Variants in CSPG4 observed in about 807,000 individuals in gnomAD.
CSPG4 encodes the protein chondroitin sulfate proteoglycan 4 (melanoma-associated).
In CSPG4, 74 loss-of-function variants were observed where a neutral mutation model predicts 139.3. The observed-to-expected ratio is 0.53, with a 90% confidence interval of 0.44 to 0.64. The LOEUF is 0.64. Among genes scored for constraint, CSPG4 ranks in the 30% least tolerant of loss-of-function variants. The pLI, the probability that CSPG4 is intolerant of heterozygous loss-of-function variation, is 0.00. For synonymous variants in CSPG4, 1,234 were observed against 1,394.2 expected (o/e 0.89, Z 2.56); for missense variants, 2,565 against 3,148.3 (o/e 0.81, Z 4.43).
In CSPG4 at chr15:75,675,773, C is replaced by G. The variant is rs150766109; in HGVS notation, c.6746G>C (p.Arg2249Pro). ...GACGTCATGCTTGCCCGTCTTGTTG[C>G]GTTTTCGGAGGTAGAAGAGCAGGGG... ...ILPLLFYLRK[R>P]NKTGKHDVQV... Residue 2249 changes from arginine (R) to proline (P), a missense_variant, in exon 10 of 10, where the codon CGC becomes CCC. By Grantham distance (103) the Arg-to-Pro change is moderately radical. This residue lies in a region of CSPG4 where 2,316 missense variants were observed against 2,818.2 expected (regional missense o/e 0.82). Coordinates refer to ENST00000308508, the MANE Select transcript of CSPG4 (RefSeq NM_001897.5). 6.2e-7 allele frequency: 1 copy of G among 1,612,916 alleles called. No homozygotes were observed. Among genetic ancestry groups the G allele is most frequent in the African/African-American group, 1.3e-5 (1 of 74,916 alleles).
rs763002297 is a variant in CSPG4, at chr15:75,676,540, G to A, written c.5979C>T (p.Gly1993=). ...QGPQYGHLLV[G]GRPTSAFSQF... The stretch of plus-strand genomic sequence containing the variant: ...GGCTGAAGGCCGAGGTGGGCCGCCC[G>A]CCCACCAGGAGATGCCCATACTGGG... The change falls in exon 10 of 10, where the codon GGC becomes GGT. Residue 1993 remains glycine (G), a synonymous_variant. Transcript: ENST00000308508. 4 of 1,613,690 alleles carry A rather than the reference G, an allele frequency of 2.5e-6. No homozygotes were observed. Among genetic ancestry groups the A allele is most frequent in the Admixed American group, 1.7e-5 (1 of 60,034 alleles).
intron 3 of CSPG4, among the ~76,000 whole-genome samples, chr15:75,686,225 C>A (rs904793248): frequency 6.6e-6 from 1 of 152,224 alleles, no homozygotes; most frequent in Non-Finnish European, 1.5e-5. Flanking sequence ...CACAGACACA[C>A]GAGTTCATCA....
intron 1 of CSPG4, among the ~76,000 whole-genome samples, chr15:75,706,346 AG>A (rs898357223): frequency 1.3e-5 from 2 of 151,850 alleles, no homozygotes; most frequent in African/African-American, 2.4e-5. Flanking sequence ...GGCTCGGGGC[AG>A]GACACTCTCC....
At position 75,688,922 on chromosome 15, in the gene CSPG4, G is replaced by C. The variant is rs575783018; in HGVS notation, c.2143C>G (p.Gln715Glu). Residue 715 changes from glutamine (Q) to glutamate (E), a missense_variant, in exon 3 of 10, where the codon CAG becomes GAG. Coordinates refer to ENST00000308508, the MANE Select transcript of CSPG4 (RefSeq NM_001897.5). ...GALQFGELQK[Q>E]GAGGVEGAEW... ...GCACCCTCCACCCCACCTGCCCCCT[G>C]CTTCTGCAGCTCCCCAAACTGCAGG... is the stretch of plus-strand genomic sequence containing the variant. The C allele has an allele frequency of 6.2e-7, 1 of 1,612,424 alleles. No homozygotes were observed. Among genetic ancestry groups the C allele is most frequent in the East Asian group, 2.2e-5 (1 of 44,886 alleles).
chr15:75,687,214 G>A lies in CSPG4; in HGVS notation c.3789+62C>T, dbSNP rs1334209596. 1.9e-6 allele frequency: 3 copies of A among 1,587,132 alleles called. No individual in the cohort carries two copies. The East Asian group carries it at 6.7e-5, about 35-fold the overall frequency. On this transcript the variant is annotated intron_variant, in intron 3 of 9. Coordinates refer to ENST00000308508, the MANE Select transcript of CSPG4 (RefSeq NM_001897.5). This position sits in a 1 kb window ranked among gnomAD's most constrained non-coding sequence, Gnocchi z 5.4. Reference sequence around the variant, plus strand: ...CCCAAGTCACGTGTGTTCCTGGCATGGAGGCTGGGAGAAGGCCCTCTACCT... The same window carrying A: ...CCCAAGTCACGTGTGTTCCTGGCATAGAGGCTGGGAGAAGGCCCTCTACCT...
chr15:75,690,163 T>C lies in CSPG4; in HGVS notation c.902A>G (p.Asp301Gly). ...GTTCGAAGTATGCGTAGGGTACTGGTCCACGGAGATTTCCAGCCGGTGAGC... is the reference window on the plus strand; with the variant it reads ...GTTCGAAGTATGCGTAGGGTACTGGCCCACGGAGATTTCCAGCCGGTGAGC... ...INAHRLEISV[D>G]QYPTHTSNRG... The change falls in exon 3 of 10, where the codon GAC (aspartate) becomes GGC (glycine). Residue 301 changes from aspartate (D) to glycine (G), a missense_variant. Around this residue, in one of 5 missense-constraint regions of CSPG4, gnomAD observed 2,316 missense variants for 2,818.2 expected, o/e 0.82. Transcript: ENST00000308508. 1 of 1,613,006 alleles carries C rather than the reference T, an allele frequency of 6.2e-7. No individual in the cohort carries two copies. Among genetic ancestry groups the C allele is most frequent in the Non-Finnish European group, 8.5e-7 (1 of 1,179,886 alleles).
chr15:75,708,868 A>C (rs1459453224), intron 1 of CSPG4, among the ~76,000 whole-genome samples: 1 of 152,176 alleles, frequency 6.6e-6, no homozygotes, highest in Non-Finnish European at 1.5e-5. Flanking sequence ...CTCTACAAAA[A>C]ATAATTACCC....
In CSPG4 at chr15:75,684,856, ACTGT is replaced by A. The variant is rs1213258326; in HGVS notation, c.4325_4328del (p.Asp1442ValfsTer4). 11 of 1,613,126 alleles carry A rather than the reference ACTGT, an allele frequency of 6.8e-6. No individual in the cohort carries two copies. Among genetic ancestry groups the A allele is most frequent in the African/African-American group, 1.3e-5 (1 of 74,802 alleles). ...CGGAGGCATTAGCCATCAGGACAAA[ACTGT>A]CTGTCAGTGTCTCGCTCCCGTCATG... On this transcript the variant is annotated frameshift_variant, in exon 5 of 10. Coordinates refer to ENST00000308508, the MANE Select transcript of CSPG4 (RefSeq NM_001897.5). LOFTEE classifies it high-confidence loss of function.
chr15:75,677,413 C>G (rs1257040115), intron 9 of CSPG4, 29 bp from the exon 10 acceptor site: 2 of 1,408,492 alleles, frequency 1.4e-6, no homozygotes, highest in Non-Finnish European at 1.9e-6. Context: ...CTATGAGGGT[C>G]CAGCCCACTG....
intron 8 of CSPG4, among the ~76,000 whole-genome samples, chr15:75,681,675 G>A (rs1893975979): frequency 6.6e-6 from 1 of 152,206 alleles, no homozygotes; most frequent in Non-Finnish European, 1.5e-5. Context: ...TGACTGGGCT[G>A]GCCCCCATGG....
chr15:75,708,532 C>T (rs949794888), intron 1 of CSPG4, among the ~76,000 whole-genome samples: 4 of 151,926 alleles, frequency 2.6e-5, no homozygotes, highest in Non-Finnish European at 5.9e-5. Flanking sequence ...CATCTGGAGT[C>T]CTCAGCGAGC....
At chr15:75,706,675 G>A (rs891030983) in intron 1 of CSPG4, among the ~76,000 whole-genome samples, 1 of 152,188 alleles carries the variant, frequency 6.6e-6, no homozygotes, top group African/African-American at 2.4e-5. Flanking sequence ...GAGGATGGGG[G>A]AAAAGGGAAG....
At chr15:75,708,759 G>T (rs573728975) in intron 1 of CSPG4, among the ~76,000 whole-genome samples, 1 of 152,222 alleles carries the variant, frequency 6.6e-6, no homozygotes, top group African/African-American at 2.4e-5. Context: ...AGGTATGGTG[G>T]TTCACACCTG....
rs1894001141 is a variant in CSPG4, at chr15:75,683,043, TG to T, written c.4450-3del. 1 of 1,608,796 alleles carries T rather than the reference TG, an allele frequency of 6.2e-7. No individual in the cohort carries two copies. Among genetic ancestry groups the T allele is most frequent in the African/African-American group, 1.3e-5 (1 of 74,822 alleles). On this transcript the variant is annotated splice_region_variant and splice_polypyrimidine_tract_variant and intron_variant, in intron 5 of 9. Transcript: ENST00000308508. ...GGGCGCAGTGGCCCCCTCCCACATC[TG>T]GGAACACAGGCCTGTGAAGGTTCTG... is the stretch of plus-strand genomic sequence containing the variant.
Position 75,687,570 on chromosome 15 carries a change from G to T in CSPG4, c.3495C>A (p.His1165Gln), listed in dbSNP as rs1894079304. 6.2e-7 allele frequency: 1 copy of T among 1,610,690 alleles called. No individual in the cohort carries two copies. Among genetic ancestry groups the T allele is most frequent in the Admixed American group, 1.7e-5 (1 of 59,936 alleles). Residue 1165 changes from histidine to glutamine, a missense_variant, in exon 3 of 10, where the codon CAC becomes CAA. Physicochemically the swap from His to Gln is conservative, Grantham distance 24. Around this residue, in one of 5 missense-constraint regions of CSPG4, gnomAD observed 2,316 missense variants for 2,818.2 expected, o/e 0.82. Coordinates refer to ENST00000308508, the MANE Select transcript of CSPG4 (RefSeq NM_001897.5). This position sits in a 1 kb window ranked among gnomAD's most constrained non-coding sequence, Gnocchi z 5.4. Reference sequence around the variant, plus strand: ...AGCGAGGGCCAGCTGTGACGTGGTAGTGGACCTCATCCCCACTGCGGATGT... The same window carrying T: ...AGCGAGGGCCAGCTGTGACGTGGTATTGGACCTCATCCCCACTGCGGATGT... ...NLDIRSGDEV[H>Q]YHVTAGPRWG...
In CSPG4 at chr15:75,674,429, G is replaced by A. The variant is rs1893860736; in HGVS notation, c.*1121C>T. On this transcript the variant is annotated 3_prime_UTR_variant, in exon 10 of 10. Coordinates refer to ENST00000308508, the MANE Select transcript of CSPG4 (RefSeq NM_001897.5). ...GTTTGGTCCCATCACCCGAAGACTG[G>A]CCCACCTGCCCACACAGGTGGGGGC... 4 of 332,452 alleles carry A rather than the reference G, an allele frequency of 1.2e-5. No individual in the cohort carries two copies. Among genetic ancestry groups the A allele is most frequent in the Non-Finnish European group, 2.2e-5 (4 of 183,618 alleles). The allele number at this position is 332,452 out of a possible 1,614,324, so 20.6% of individuals were successfully genotyped here.
At chr15:75,709,571 G>A (rs546821544) in intron 1 of CSPG4, among the ~76,000 whole-genome samples, 291 of 152,156 alleles carry the variant, frequency 1.9e-3, no homozygotes, top group Non-Finnish European at 3.1e-3. Flanking sequence ...TAGCCACCTC[G>A]TCCAGGTCTG....
In CSPG4 at chr15:75,685,503, C is replaced by T. The variant is rs761019616; in HGVS notation, c.3988G>A (p.Asp1330Asn). 43 of 1,610,352 alleles carry T rather than the reference C, an allele frequency of 2.7e-5. No homozygotes were observed. The highest frequency in any genetic ancestry group is 3.2e-5 in the Non-Finnish European group (38 of 1,179,330). The change falls in exon 4 of 10, where the codon GAT becomes AAT. Residue 1330 changes from aspartate to asparagine, a missense_variant. By Grantham distance (23) the Asp-to-Asn change is conservative. Around this residue, in one of 5 missense-constraint regions of CSPG4, gnomAD observed 2,316 missense variants for 2,818.2 expected, o/e 0.82. Coordinates refer to ENST00000308508, the MANE Select transcript of CSPG4 (RefSeq NM_001897.5). ...YLHSRPEAWS[D>N]AFSLDVASGL... ...GAGGCCACATCCAGCGAGAAGGCAT[C>T]GCTCCAGGCCTCAGGGCGGGAGTGC...
rs575169713 is a variant in CSPG4, at chr15:75,687,158, C to G, written c.3789+118G>C. The G allele has an allele frequency of 2.5e-6, 3 of 1,222,770 alleles. No individual in the cohort carries two copies. In the South Asian group the frequency reaches 3.9e-5, roughly 16 times the overall value. 75.7% of individuals were successfully genotyped at this position (1,222,770 alleles called of 1,614,324 possible). On this transcript the variant is annotated intron_variant, in intron 3 of 9. Transcript: ENST00000308508. This position sits in a 1 kb window ranked among gnomAD's most constrained non-coding sequence, Gnocchi z 5.4. ...CGGGAGCACATCTGAGGCACGTGCA[C>G]ACATGTAACCTGGAGCCACCACAGC... is the stretch of plus-strand genomic sequence containing the variant.
Sources: gnomAD v4.1 joint callset for allele counts (sites outside exome capture counted in the v4.1 genomes callset) on GRCh38, gnomAD v4.1.1 for gene constraint, gnomAD v4.1.1 regional missense constraint, Gnocchi (gnomAD v3.1) non-coding constraint, MANE v1.5 for transcripts, NCBI Gene and HGNC (gene_info 2026-07-23, HGNC 2026-07-21) for gene names.